FAM227B: variants seen among roughly 807,000 people sequenced by gnomAD.
The protein encoded by FAM227B is protein FAM227B.
Under a neutral mutation model 73.8 loss-of-function variants are expected in FAM227B, and 88 were observed. That is an observed-to-expected ratio of 1.19 (90% confidence interval 1.00 to 1.42). The LOEUF is 1.42. FAM227B is among the 40% of genes most tolerant of loss of function. The pLI is 0.00. For missense variants in FAM227B, 632 were observed against 590.9 expected, an observed-to-expected ratio of 1.07 and a Z score of -0.72; for synonymous variants, 210 against 190.5, an observed-to-expected ratio of 1.10 and a Z score of -0.84.
intron 11 of FAM227B, among the ~76,000 whole-genome samples, chr15:49,395,170 C>T (rs1438118431): frequency 6.6e-6 from 1 of 152,126 alleles, no homozygotes; most frequent in African/African-American, 2.4e-5. Context: ...ATGAATATTA[C>T]CATGTTAGCT....
At chr15:49,591,483 CCTTT>C (rs1265084632) in intron 3 of FAM227B, among the ~76,000 whole-genome samples, 2 of 118,438 alleles carry the variant, frequency 1.7e-5, no homozygotes, top group African/African-American at 3.1e-5. Flanking sequence ...GCCCTTCCTT[CCTTT>C]TTTTTTTTTT....
At chr15:49,540,724 AAG>A (rs1252116415) in intron 10 of FAM227B, among the ~76,000 whole-genome samples, 2 of 152,194 alleles carry the variant, frequency 1.3e-5, no homozygotes, top group Admixed American at 6.5e-5. Flanking sequence ...AATTTTGGGG[AAG>A]ATACAATTCA....
intron 10 of FAM227B, among the ~76,000 whole-genome samples, chr15:49,523,715 T>C (rs2059948192): frequency 6.6e-6 from 1 of 152,086 alleles, no homozygotes; most frequent in East Asian, 1.9e-4. Flanking sequence ...TCCTAGAAAT[T>C]TGTTGAATGG....
intron 11 of FAM227B, chr15:49,396,038 G>T: frequency 2.2e-6 from 1 of 453,968 alleles, no homozygotes. Context: ...AGCTCCCAGC[G>T]TGAGCGACGC....
chr15:49,453,468 A>G (rs1200241015), intron 11 of FAM227B, among the ~76,000 whole-genome samples: 2 of 152,114 alleles, frequency 1.3e-5, no homozygotes, highest in African/African-American at 4.8e-5. Flanking sequence ...TCAAAATCCA[A>G]TGCATGTTTT....
At chr15:49,450,476 G>C (rs775202051) in intron 11 of FAM227B, among the ~76,000 whole-genome samples, 10 of 151,898 alleles carry the variant, frequency 6.6e-5, no homozygotes, top group African/African-American at 2.4e-4. Context: ...TACACCATTA[G>C]AGAGCCATTT....
intron 11 of FAM227B, among the ~76,000 whole-genome samples, chr15:49,428,780 T>G (rs567774355): frequency 4.1e-4 from 62 of 151,998 alleles, no homozygotes; most frequent in Non-Finnish European, 7.4e-4. Context: ...ATAAATTGCC[T>G]CACTTGATTA....
chr15:49,416,122 G>A (rs191816533), intron 11 of FAM227B, among the ~76,000 whole-genome samples: 13 of 150,680 alleles, frequency 8.6e-5, no homozygotes, highest in African/African-American at 2.9e-4. Flanking sequence ...TTCAGTTCTT[G>A]GAACACACCA....
At chr15:49,599,774 T>C (rs973284449) in intron 3 of FAM227B, among the ~76,000 whole-genome samples, 17 of 152,312 alleles carry the variant, frequency 1.1e-4, no homozygotes, top group Middle Eastern at 3.4e-3. Context: ...CAAGAGGTAC[T>C]TGATAAGACT....
intron 4 of FAM227B, 36 bp from the exon 5 acceptor site, chr15:49,588,119 T>C (rs756683541): frequency 2.5e-6 from 3 of 1,218,938 alleles, no homozygotes; most frequent in African/African-American, 3.1e-5. Flanking sequence ...ATATATATTA[T>C]ACATATGAAC....
intron 3 of FAM227B, among the ~76,000 whole-genome samples, chr15:49,595,993 A>G (rs1000632167): frequency 6.6e-6 from 1 of 152,014 alleles, no homozygotes; most frequent in Admixed American, 6.6e-5. Flanking sequence ...AAACCTAAAA[A>G]TAACTGGTAT....
chr15:49,387,296 T>C (rs2046941757), intron 11 of FAM227B, among the ~76,000 whole-genome samples: 1 of 151,870 alleles, frequency 6.6e-6, no homozygotes, highest in African/African-American at 2.4e-5. Context: ...TAATTCATCA[T>C]GGTCAAGTGG....
chr15:49,568,384 T>A (rs1443016855), intron 8 of FAM227B, 38 bp from the exon 9 acceptor site: 2 of 1,498,552 alleles, frequency 1.3e-6, no homozygotes, highest in Non-Finnish European at 1.8e-6. Context: ...AATATTACAA[T>A]TTAAAACTGG....
intron 11 of FAM227B, among the ~76,000 whole-genome samples, chr15:49,390,231 T>C (rs1374506088): frequency 6.6e-6 from 1 of 152,006 alleles, no homozygotes; most frequent in Non-Finnish European, 1.5e-5. Flanking sequence ...ATAAATGAGA[T>C]GAAGTCTCCT....
In FAM227B at chr15:49,582,156, C is replaced by A. The variant is rs77811436; in HGVS notation, c.406-4492G>T. ...TACTAACTTTGAATGTAAATGGGGG[C>A]TAAATGCCCCCGTTAAAAGGCACAG... is the stretch of plus-strand genomic sequence containing the variant. On this transcript the variant is annotated intron_variant, in intron 5 of 15. Coordinates refer to ENST00000299338, the MANE Select transcript of FAM227B (RefSeq NM_152647.3). Among the ~76,000 whole-genome samples, 1,314 of 152,226 alleles carry A rather than the reference C, an allele frequency of 8.6e-3. 32 individuals are homozygous for A. The highest frequency in any genetic ancestry group is 0.069 in the South Asian group (330 of 4,816).
At position 49,600,768 on chromosome 15, in the gene FAM227B, C is replaced by T. The variant is rs141748870; in HGVS notation, c.105+10447G>A. On this transcript the variant is annotated intron_variant, in intron 3 of 15. Transcript: ENST00000299338. Reference sequence around the variant, plus strand: ...AATAATTTACTACTGCCAGGCCGGGCGTGGTGGCTCACACTTATAATCCCA... The same window carrying T: ...AATAATTTACTACTGCCAGGCCGGGTGTGGTGGCTCACACTTATAATCCCA... 4.6e-3 allele frequency among the ~76,000 whole-genome samples: 696 copies of T among 151,940 alleles called. 6 individuals carry two copies. Among genetic ancestry groups the T allele is most frequent in the African/African-American group, 0.016 (646 of 41,432 alleles).
intron 11 of FAM227B, among the ~76,000 whole-genome samples, chr15:49,405,790 A>C (rs1007834770): frequency 5.3e-5 from 8 of 152,178 alleles, no homozygotes; most frequent in African/African-American, 1.2e-4. Flanking sequence ...TTGCTGGAGA[A>C]GTGATGCAGT....
intron 11 of FAM227B, among the ~76,000 whole-genome samples, chr15:49,498,538 C>G (rs568726283): frequency 2.6e-4 from 40 of 152,326 alleles, no homozygotes; most frequent in Non-Finnish European, 4.7e-4. Context: ...CCCTTGCTCC[C>G]ACAGCTTAGA....
intron 10 of FAM227B, among the ~76,000 whole-genome samples, chr15:49,529,004 C>T (rs1411566640): frequency 6.6e-6 from 1 of 151,502 alleles, no homozygotes; most frequent in African/African-American, 2.4e-5. Flanking sequence ...AATCACTATA[C>T]AAAAAAAGAC....
Sources: gnomAD v4.1 joint callset for allele counts (sites outside exome capture counted in the v4.1 genomes callset) on GRCh38, gnomAD v4.1.1 for gene constraint, MANE v1.5 for transcripts, NCBI Gene and HGNC (gene_info 2026-07-23, HGNC 2026-07-21) for gene names.